RSPRY1: variants seen among roughly 807,000 people sequenced by gnomAD.
RSPRY1 encodes the protein RING finger and SPRY domain-containing protein 1.
Under a neutral mutation model 73.1 loss-of-function variants are expected in RSPRY1, and 23 were observed. That is an observed-to-expected ratio of 0.31 (90% CI 0.23 to 0.45). The LOEUF (loss-of-function observed/expected upper bound fraction) is 0.45, where lower values mean the gene tolerates loss of function less well. Ranked by LOEUF, RSPRY1 falls within the 20% of genes least tolerant of loss-of-function variation. RSPRY1 has a pLI of 1.00. For synonymous variants in RSPRY1, 226 were observed against 251.4 expected (o/e 0.90, Z 0.95); for missense variants, 448 against 698.7 (o/e 0.64, Z 4.05).
intron 1 of RSPRY1, among the ~76,000 whole-genome samples, chr16:57,198,360 G>T (rs2074491153): frequency 6.6e-6 from 1 of 150,782 alleles, no homozygotes; most frequent in Admixed American, 6.7e-5. Flanking sequence ...CTCCAGCCTG[G>T]GCGACAGAGC....
chr16:57,227,265 G>A, intron 10 of RSPRY1, 77 bp from the exon 11 acceptor site: 2 of 932,698 alleles, frequency 2.1e-6, no homozygotes, highest in Admixed American at 1.9e-5. Context: ...TAGGTCAGTG[G>A]TCGTAAAAGA....
chr16:57,197,667 CTT>C (rs770784671), intron 1 of RSPRY1, among the ~76,000 whole-genome samples: 4 of 152,074 alleles, frequency 2.6e-5, no homozygotes, highest in African/African-American at 7.2e-5. Context: ...TGGAAAAAAA[CTT>C]AATTTTTGTC....
chr16:57,235,249 C>T, intron 14 of RSPRY1, 21 bp downstream of exon 14: 2 of 1,532,544 alleles, frequency 1.3e-6, no homozygotes, highest in South Asian at 2.2e-5. Context: ...TTATATTAGG[C>T]AAAGTTTCAT....
At chr16:57,227,507 T>A in intron 11 of RSPRY1, 54 bp downstream of exon 11, 1 of 1,236,334 alleles carries the variant, frequency 8.1e-7, no homozygotes. Context: ...ATCTGGTTAT[T>A]ATGAGGCATT....
At chr16:57,200,690 G>A (rs2074561753) in intron 1 of RSPRY1, among the ~76,000 whole-genome samples, 2 of 139,208 alleles carry the variant, frequency 1.4e-5, no homozygotes, top group Non-Finnish European at 3.1e-5. Context: ...TCCCGGACGG[G>A]GCGGCTGGCC....
chr16:57,194,168 G>C (rs1423570658), intron 1 of RSPRY1, among the ~76,000 whole-genome samples: 2 of 152,148 alleles, frequency 1.3e-5, no homozygotes, highest in Non-Finnish European at 2.9e-5. Context: ...AATTATTTAA[G>C]AGAAAGTATA....
At chr16:57,202,307 T>C (rs2074633439) in intron 1 of RSPRY1, among the ~76,000 whole-genome samples, 1 of 152,214 alleles carries the variant, frequency 6.6e-6, no homozygotes, top group Admixed American at 6.5e-5. Context: ...GCGGCAAGCC[T>C]CTTGTTCTCT....
Position 57,205,005 on chromosome 16 carries a change from A to G in RSPRY1, c.347A>G (p.Asp116Gly). ...CTGGCAGTAATACGGACTCTTGTAG[A>G]TAAGTAAGTATCTGACTCACGGTCA... ...DTLAVIRTLV[D>G]NDQEPPYSMI... is the part of the protein sequence containing the mutation. The change falls in exon 2 of 15, where the codon GAT becomes GGT. Residue 116 changes from aspartate (D) to glycine (G), a missense_variant. Physicochemically the swap from Asp to Gly is moderately conservative, Grantham distance 94. Transcript: ENST00000394420. 1 of 1,609,994 alleles carries G rather than the reference A, an allele frequency of 6.2e-7. No homozygotes were observed. Among genetic ancestry groups the G allele is most frequent in the Non-Finnish European group, 8.5e-7 (1 of 1,176,892 alleles).
At chr16:57,195,089 G>A (rs2074415837) in intron 1 of RSPRY1, among the ~76,000 whole-genome samples, 1 of 151,900 alleles carries the variant, frequency 6.6e-6, no homozygotes, top group South Asian at 2.1e-4. Context: ...TAGAAATGGA[G>A]AGAATAGTCT....
intron 11 of RSPRY1, 47 bp downstream of exon 11, chr16:57,227,500 T>C (rs757856753): frequency 7.6e-7 from 1 of 1,315,062 alleles, no homozygotes. Context: ...TTAAGACATC[T>C]GGTTATTATG....
intron 12 of RSPRY1, 29 bp downstream of exon 12, chr16:57,230,842 G>A (rs1436025130): frequency 4.6e-6 from 6 of 1,297,722 alleles, no homozygotes; most frequent in Non-Finnish European, 5.6e-6. Flanking sequence ...TCAAAAATTC[G>A]AGTAGATGCA....
intron 7 of RSPRY1, chr16:57,216,560 A>G (rs1007112681): frequency 5.9e-5 from 19 of 320,466 alleles, no homozygotes; most frequent in African/African-American, 3.4e-4. Flanking sequence ...TCTACAAAAA[A>G]TTTTAAAAAA....
chr16:57,190,531 T>A (rs1441777767), intron 1 of RSPRY1, among the ~76,000 whole-genome samples: 1 of 152,210 alleles, frequency 6.6e-6, no homozygotes, highest in African/African-American at 2.4e-5. Context: ...AACTATGGAT[T>A]TAGCTTCTCT....
At chr16:57,221,472 T>G (rs2075035036) in intron 10 of RSPRY1, 57 bp downstream of exon 10, 11 of 1,519,700 alleles carry the variant, frequency 7.2e-6, no homozygotes, top group Non-Finnish European at 8.9e-6. Flanking sequence ...TTTTTCCCCC[T>G]AGTTGGTGGG....
At chr16:57,200,942 C>G (rs1286648425) in intron 1 of RSPRY1, among the ~76,000 whole-genome samples, 12 of 36,962 alleles carry the variant, frequency 3.2e-4, no homozygotes, top group Admixed American at 1.4e-3. Flanking sequence ...GACGGGGCGG[C>G]TGGCCGGGGG....
chr16:57,230,829 C>T lies in RSPRY1; in HGVS notation c.1376+16C>T, dbSNP rs543326164. On this transcript the variant is annotated intron_variant, in intron 12 of 14. Transcript: ENST00000394420. ...CATCTACTGTGTAAGTAGCTCTTCT[C>T]AGTCAAAAATTCGAGTAGATGCACG... The T allele has an allele frequency of 2.2e-4, 327 of 1,495,988 alleles. No individual in the cohort carries two copies. In the South Asian group the frequency reaches 3.0e-3, roughly 14 times the overall value. 92.7% of individuals were successfully genotyped at this position (1,495,988 alleles called of 1,614,324 possible).
chr16:57,227,282 C>A, intron 10 of RSPRY1, 60 bp from the exon 11 acceptor site: 1 of 1,139,968 alleles, frequency 8.8e-7, no homozygotes, highest in Non-Finnish European at 1.3e-6. Flanking sequence ...AAGACACACT[C>A]TCTGTTCCCA....
chr16:57,211,359 C>T (rs2074841485), intron 4 of RSPRY1, among the ~76,000 whole-genome samples: 2 of 152,024 alleles, frequency 1.3e-5, no homozygotes, highest in Admixed American at 6.6e-5. Flanking sequence ...CACTTGAGGT[C>T]AGGAGTTCAA....
At position 57,221,280 on chromosome 16, in the gene RSPRY1, T is replaced by C. The variant is rs753266908; in HGVS notation, c.1026T>C (p.Cys342=). ...KISPHGLEAR[C]DASSFESVRC... is the part of the protein sequence containing the mutation. ...TTTTTTGGTTTTGCCAGGCTCGCTGTGATGCCTCCTCTTTTGAAAGTGTGC... is the reference window on the plus strand; with the variant it reads ...TTTTTTGGTTTTGCCAGGCTCGCTGCGATGCCTCCTCTTTTGAAAGTGTGC... Residue 342 remains cysteine (C), a synonymous_variant, in exon 10 of 15, where the codon TGT becomes TGC. Coordinates refer to ENST00000394420, the MANE Select transcript of RSPRY1 (RefSeq NM_133368.3). The C allele has an allele frequency of 6.2e-7, 1 of 1,614,010 alleles. No individual in the cohort carries two copies. The highest frequency in any genetic ancestry group is 1.7e-5 in the Admixed American group (1 of 60,006).
Sources: gnomAD v4.1 joint callset for allele counts (sites outside exome capture counted in the v4.1 genomes callset) on GRCh38, gnomAD v4.1.1 for gene constraint, MANE v1.5 for transcripts, NCBI Gene and HGNC (gene_info 2026-07-23, HGNC 2026-07-21) for gene names.